LIMA1: variants seen among roughly 807,000 people sequenced by gnomAD.
The protein encoded by LIMA1 is LIM domain and actin-binding protein 1.
Under a neutral mutation model 62.6 loss-of-function variants are expected in LIMA1, and 52 were observed. The ratio of observed to expected loss-of-function variants is 0.83; its 90% CI spans 0.67 to 1.05. LIMA1 has a LOEUF of 1.05. LIMA1 is among the 50% of genes least tolerant of loss of function. The probability of loss-of-function intolerance (pLI) is 0.00; values close to 1 mark genes in which losing one functional copy is unlikely to be tolerated. For missense variants in LIMA1, 780 were observed against 902.2 expected, an observed-to-expected ratio of 0.86 and a Z score of 1.74; for synonymous variants, 302 against 317.8, an observed-to-expected ratio of 0.95 and a Z score of 0.53.
intron 4 of LIMA1, among the ~76,000 whole-genome samples, chr12:50,208,736 G>C (rs1349950814): frequency 6.6e-6 from 1 of 151,784 alleles, no homozygotes; most frequent in African/African-American, 2.4e-5. Flanking sequence ...TGCTGGGTTT[G>C]GTGGTTCATG....
intron 1 of LIMA1, among the ~76,000 whole-genome samples, chr12:50,281,600 C>G (rs1298831362): frequency 6.7e-6 from 1 of 148,990 alleles, no homozygotes; most frequent in Non-Finnish European, 1.5e-5. Flanking sequence ...TACCTGATAA[C>G]AACACTTCCC....
chr12:50,209,295 T>C (rs921162711), intron 4 of LIMA1, among the ~76,000 whole-genome samples: 7 of 151,036 alleles, frequency 4.6e-5, no homozygotes, highest in Admixed American at 4.6e-4. Context: ...AGTGGTTGGG[T>C]GCGGTGGCTC....
intron 8 of LIMA1, among the ~76,000 whole-genome samples, chr12:50,193,493 T>C (rs1940827477): frequency 7.4e-6 from 1 of 134,998 alleles, no homozygotes; most frequent in Admixed American, 8.0e-5. Flanking sequence ...ATAGTATATA[T>C]ATATCATATA....
intron 3 of LIMA1, chr12:50,229,749 C>A (rs1209280582): frequency 6.6e-6 from 1 of 152,148 alleles, no homozygotes. Context: ...TGCATATAAA[C>A]CCTCTCCAAA....
chr12:50,275,054 CATGTACTAAATGAGTACTTT>C, intron 1 of LIMA1, among the ~76,000 whole-genome samples: 1 of 152,128 alleles, frequency 6.6e-6, no homozygotes, highest in African/African-American at 2.4e-5. Flanking sequence ...AGATATATTT[CATGTACTAAATGAGTACTTT>C]GGCCAGGTGC....
chr12:50,197,073 CTT>C (rs34487829), intron 7 of LIMA1, among the ~76,000 whole-genome samples: 35 of 132,296 alleles, frequency 2.6e-4, no homozygotes, highest in Non-Finnish European at 2.2e-4. Flanking sequence ...GTAATCTTTG[CTT>C]TTTTTTTTTT....
At position 50,192,517 on chromosome 12, in the gene LIMA1, T is replaced by G; in HGVS notation, c.1075A>C (p.Lys359Gln). 1 of 1,614,122 alleles carries G rather than the reference T, an allele frequency of 6.2e-7. No homozygotes were observed. Among genetic ancestry groups the G allele is most frequent in the Non-Finnish European group, 8.5e-7 (1 of 1,179,976 alleles). Residue 359 changes from lysine (K) to glutamine (Q), a missense_variant, in exon 9 of 11, where the codon AAG becomes CAG. Transcript: ENST00000341247. ...KSEVQQPVHP[K>Q]PLSPDSRASS... ...GCTCTGGAATCTGGACTTAGTGGCTTGGGATGGACAGGCTGTTGAACCTCA... is the reference window on the plus strand; with the variant it reads ...GCTCTGGAATCTGGACTTAGTGGCTGGGGATGGACAGGCTGTTGAACCTCA...
rs1383547189 is a variant in LIMA1 at position 50,261,042 on chromosome 12, A to ATATTTTTTTTTT, written c.-23-12269_-23-12268insAAAAAAAAAATA. 6.4e-4 allele frequency among the ~76,000 whole-genome samples: 35 copies of ATATTTTTTTTTT among 54,296 alleles called. 1 individual carries two copies. The highest frequency in any genetic ancestry group is 2.3e-3 in the East Asian group (2 of 878). 35.6% of individuals were successfully genotyped at this position (54,296 alleles called of 152,430 possible). On this transcript the variant is annotated intron_variant, in intron 1 of 10. Coordinates refer to ENST00000341247, the MANE Select transcript of LIMA1 (RefSeq NM_016357.5). Reference sequence around the variant, plus strand: ...CTTTTGCTTTTCTGCCATCTAGTATATTTTTTTTTTTTTTTTTTTTTTTTT... The same window carrying ATATTTTTTTTTT: ...CTTTTGCTTTTCTGCCATCTAGTATATATTTTTTTTTTTTTTTTTTTTTTTTTTTTTTTTTTT...
chr12:50,266,893 A>G (rs964364781), intron 1 of LIMA1, among the ~76,000 whole-genome samples: 2 of 151,750 alleles, frequency 1.3e-5, no homozygotes, highest in African/African-American at 4.8e-5. Flanking sequence ...CACTCAATAC[A>G]TTTACTTTTT....
At chr12:50,264,576 T>C (rs888724727) in intron 1 of LIMA1, among the ~76,000 whole-genome samples, 3 of 152,146 alleles carry the variant, frequency 2.0e-5, no homozygotes, top group African/African-American at 7.2e-5. Flanking sequence ...ACCAGATGCA[T>C]GGCAACCTCT....
intron 10 of LIMA1, among the ~76,000 whole-genome samples, chr12:50,179,372 C>T (rs1246632067): frequency 6.6e-6 from 1 of 151,722 alleles, no homozygotes; most frequent in Non-Finnish European, 1.5e-5. Context: ...GATCTCTTGA[C>T]CTCGTGATCT....
rs372458200 is a variant in LIMA1 at position 50,244,334 on chromosome 12, A to G, written c.119+4299T>C. Among the ~76,000 whole-genome samples, 11 of 151,792 alleles carry G rather than the reference A, an allele frequency of 7.2e-5. No homozygotes were observed. In the South Asian group the frequency reaches 1.9e-3, roughly 26 times the overall value. On this transcript the variant is annotated intron_variant, in intron 2 of 10. Coordinates refer to ENST00000341247, the MANE Select transcript of LIMA1 (RefSeq NM_016357.5). ...TGGCCAGGCTGGTCTTGAACTCCTG[A>G]CCTCGTGATCTGCCCGCCTCAGCCT...
chr12:50,255,533 T>C (rs1320061676), intron 1 of LIMA1, among the ~76,000 whole-genome samples: 1 of 117,762 alleles, frequency 8.5e-6, no homozygotes, highest in African/African-American at 3.4e-5. Flanking sequence ...ACCTGGACTA[T>C]AGAGCCAGAC....
intron 2 of LIMA1, among the ~76,000 whole-genome samples, chr12:50,241,304 C>G (rs114977901): frequency 0.011 from 1,694 of 152,186 alleles, 28 homozygotes; most frequent in African/African-American, 0.037. Flanking sequence ...TTCCACACCC[C>G]TTGGATAATC....
At chr12:50,221,419 T>C (rs1229199988) in intron 4 of LIMA1, among the ~76,000 whole-genome samples, 1 of 152,192 alleles carries the variant, frequency 6.6e-6, no homozygotes, top group Non-Finnish European at 1.5e-5. Context: ...CAAATTTCAT[T>C]AGCAGTTGTA....
chr12:50,282,676 T>C (rs1052780746), intron 1 of LIMA1, among the ~76,000 whole-genome samples: 1 of 152,216 alleles, frequency 6.6e-6, no homozygotes, highest in South Asian at 2.1e-4. Context: ...AGGCAGACTT[T>C]TGAAAGCTGG....
At position 50,257,200 on chromosome 12, in the gene LIMA1, T is replaced by C. The variant is rs375795008; in HGVS notation, c.-23-8426A>G. On this transcript the variant is annotated intron_variant, in intron 1 of 10. Transcript: ENST00000341247. ...CCTTTCTACATTTATTAATTGAAAT[T>C]CTTCTATAACGAAGATTTGTTCTCC... is the stretch of plus-strand genomic sequence containing the variant. 3.2e-4 allele frequency among the ~76,000 whole-genome samples: 49 copies of C among 152,348 alleles called. 1 individual carries two copies. The South Asian group carries it at 1.0e-2, about 31-fold the overall frequency.
intron 1 of LIMA1, chr12:50,249,697 C>T (rs930884128): frequency 3.0e-4 from 45 of 151,896 alleles, no homozygotes; most frequent in African/African-American, 9.0e-4. Context: ...GTCCAGAAGA[C>T]GAGAGATTAG....
chr12:50,196,085 T>C, intron 7 of LIMA1, 198 bp from the exon 8 acceptor site: 2 of 515,442 alleles, frequency 3.9e-6, no homozygotes, highest in South Asian at 5.9e-5. Context: ...GATATTAACA[T>C]GCCTCTCAAT....
Sources: allele counts gnomAD v4.1 joint callset (sites outside exome capture counted in the v4.1 genomes callset), GRCh38; gene constraint gnomAD v4.1.1; transcripts MANE v1.5; gene names NCBI Gene and HGNC (gene_info 2026-07-23, HGNC 2026-07-21).